Variants in USH2A observed in about 807,000 individuals in gnomAD.
USH2A encodes Usher syndrome 2A (autosomal recessive, mild).
In USH2A, 443 loss-of-function variants were observed where a neutral mutation model predicts 538.9. The ratio of observed to expected loss-of-function variants is 0.82; its 90% CI spans 0.76 to 0.89. USH2A has a LOEUF of 0.89. Among genes scored for constraint, USH2A ranks in the 40% least tolerant of loss-of-function variants. USH2A has a pLI of 0.00. For synonymous variants in USH2A, 2,413 were observed against 2,273.5 expected, an observed-to-expected ratio of 1.06 and a Z score of -1.75; for missense variants, 6,633 against 6,324.8, an observed-to-expected ratio of 1.05 and a Z score of -1.65.
At position 216,338,446 on chromosome 1, in the gene USH2A, T is replaced by C. The variant is rs115351049; in HGVS notation, c.785-10792A>G. 6.8e-3 allele frequency among the ~76,000 whole-genome samples: 1,030 copies of C among 151,586 alleles called. 9 individuals carry two copies. Among genetic ancestry groups the C allele is most frequent in the Non-Finnish European group, 9.6e-3 (647 of 67,566 alleles). ...AAAATTAAATCTCTACCTCACACAT[T>C]ATACAAAAATTAATTTCAGAAAAAA... On this transcript the variant is annotated intron_variant, in intron 4 of 71. Transcript: ENST00000307340.
chr1:215,683,095 C>T (rs1658292925), intron 61 of USH2A, among the ~76,000 whole-genome samples: 1 of 151,854 alleles, frequency 6.6e-6, no homozygotes, highest in Non-Finnish European at 1.5e-5. Context: ...CTATGTTGCC[C>T]AGGTTGGTCT....
At chr1:216,274,988 A>G (rs2036644078) in intron 11 of USH2A, among the ~76,000 whole-genome samples, 2 of 152,142 alleles carry the variant, frequency 1.3e-5, no homozygotes, top group South Asian at 4.1e-4. Context: ...CAATCTTTTG[A>G]GTGTTCAAGA....
At chr1:216,130,551 TTA>T (rs984732204) in intron 21 of USH2A, among the ~76,000 whole-genome samples, 5 of 145,864 alleles carry the variant, frequency 3.4e-5, no homozygotes, top group South Asian at 2.1e-4. Flanking sequence ...AAATATATAT[TTA>T]TATATATTAT....
At chr1:215,864,811 A>G (rs1403848762) in intron 44 of USH2A, among the ~76,000 whole-genome samples, 1 of 152,152 alleles carries the variant, frequency 6.6e-6, no homozygotes, top group East Asian at 1.9e-4. Context: ...ACTAATGTTT[A>G]AAACTGGCCC....
chr1:216,096,961 A>G, intron 22 of USH2A, 122 bp downstream of exon 22: 2 of 1,045,000 alleles, frequency 1.9e-6, no homozygotes, highest in Non-Finnish European at 2.8e-6. Context: ...AAATGGGGAT[A>G]ATAATAGTAC....
At chr1:215,834,537 G>A (rs988157739) in intron 47 of USH2A, among the ~76,000 whole-genome samples, 1 of 152,150 alleles carries the variant, frequency 6.6e-6, no homozygotes, top group Non-Finnish European at 1.5e-5. Flanking sequence ...TTTAGGAAGG[G>A]TAGAAGAGGG....
intron 30 of USH2A, among the ~76,000 whole-genome samples, chr1:216,057,901 G>A (rs1379622798): frequency 6.6e-6 from 1 of 152,106 alleles, no homozygotes; most frequent in African/African-American, 2.4e-5. Flanking sequence ...TTTTACCTGG[G>A]CAAGTGGCTA....
At chr1:215,840,163 CAAAAAAAAAAAAAAAAA>C (rs60766928) in intron 46 of USH2A, among the ~76,000 whole-genome samples, 1 of 29,516 alleles carries the variant, frequency 3.4e-5, no homozygotes, top group African/African-American at 1.1e-4. Flanking sequence ...GACTCTGTCT[CAAAAAAAAAAAAAAAAA>C]AAAAAAAAAA....
rs755886273 is a variant in USH2A at position 215,674,860 on chromosome 1, T to C, written c.13051A>G (p.Thr4351Ala). ...CSTSKPTSIT[T>A]LEAAPSEVSP... The stretch of plus-strand genomic sequence containing the variant: ...ACTTCTGATGGAGCAGCCTCCAGAG[T>C]TGTGATGCTGGTGGGTTTGCTGGTG... Residue 4351 changes from threonine to alanine, a missense_variant, in exon 63 of 72, where the codon ACT becomes GCT. Transcript: ENST00000307340. The C allele has an allele frequency of 6.2e-7, 1 of 1,614,028 alleles. No homozygotes were observed. The highest frequency in any genetic ancestry group is 8.5e-7 in the Non-Finnish European group (1 of 1,179,984).
chr1:216,093,035 G>A (rs535769320), intron 22 of USH2A, among the ~76,000 whole-genome samples: 3 of 151,790 alleles, frequency 2.0e-5, no homozygotes, highest in African/African-American at 2.4e-5. Flanking sequence ...GCTCAGTCTC[G>A]GCTCACTGTA....
chr1:215,800,660 G>A (rs1277531542), intron 49 of USH2A, among the ~76,000 whole-genome samples: 1 of 151,856 alleles, frequency 6.6e-6, no homozygotes, highest in Non-Finnish European at 1.5e-5. Flanking sequence ...TAAAAATATG[G>A]GACAATATTT....
At chr1:216,327,709 C>A (rs1426612598) in intron 4 of USH2A, 55 bp from the exon 5 acceptor site, 3 of 1,579,956 alleles carry the variant, frequency 1.9e-6, no homozygotes, top group South Asian at 1.1e-5. Flanking sequence ...CAAGCAATAC[C>A]TGACAAGTAT....
chr1:215,949,054 T>C (rs931550055), intron 37 of USH2A, among the ~76,000 whole-genome samples: 10 of 152,258 alleles, frequency 6.6e-5, no homozygotes, highest in South Asian at 2.1e-4. Context: ...CAGATCTGTG[T>C]ATTTTCTGTC....
At chr1:216,140,209 G>C (rs905775560) in intron 21 of USH2A, among the ~76,000 whole-genome samples, 3 of 152,086 alleles carry the variant, frequency 2.0e-5, no homozygotes, top group Non-Finnish European at 4.4e-5. Context: ...ACGGATTGCT[G>C]TTCACCTGCT....
At chr1:215,840,234 G>T (rs12123296) in intron 46 of USH2A, among the ~76,000 whole-genome samples, 5,833 of 134,890 alleles carry the variant, frequency 0.043, 142 homozygotes, top group African/African-American at 0.077. Context: ...AAAATCAATA[G>T]CTATTTTACA....
At chr1:216,095,714 C>A (rs1293772035) in intron 22 of USH2A, among the ~76,000 whole-genome samples, 1 of 152,144 alleles carries the variant, frequency 6.6e-6, no homozygotes, top group African/African-American at 2.4e-5. Flanking sequence ...GCTCTCCCAG[C>A]TTCATAAAGC....
At chr1:216,113,462 G>A (rs1408594760) in intron 21 of USH2A, among the ~76,000 whole-genome samples, 1 of 152,092 alleles carries the variant, frequency 6.6e-6, no homozygotes, top group African/African-American at 2.4e-5. Flanking sequence ...GGAATAGTTT[G>A]GCCTGGCATT....
intron 21 of USH2A, among the ~76,000 whole-genome samples, chr1:216,132,137 T>C (rs301736): frequency 0.79 from 120,294 of 152,066 alleles, 47,684 homozygotes; most frequent in Non-Finnish European, 0.8. Context: ...CTTTTATGTG[T>C]CACTTTCATC....
chr1:215,768,471 AT>A (rs35530655), intron 55 of USH2A, among the ~76,000 whole-genome samples: 48,653 of 151,986 alleles, frequency 0.32, 9,593 homozygotes, highest in African/African-American at 0.55. Flanking sequence ...AGCCCTTTGT[AT>A]TTTTTTTATC....
Sources: gnomAD v4.1 joint callset for allele counts (sites outside exome capture counted in the v4.1 genomes callset) on GRCh38, gnomAD v4.1.1 for gene constraint, MANE v1.5 for transcripts, NCBI Gene and HGNC (gene_info 2026-07-23, HGNC 2026-07-21) for gene names.